The following R3HDM1 variants were observed in gnomAD, a reference collection of about 807,000 sequenced individuals.
R3HDM1 encodes R3H domain containing 1.
In R3HDM1, 46 loss-of-function variants were observed where a neutral mutation model predicts 141.1. The ratio of observed to expected loss-of-function variants is 0.33; its 90% CI spans 0.26 to 0.42. R3HDM1 has a LOEUF of 0.42. R3HDM1 is among the 10% of genes least tolerant of loss of function. The pLI is 1.00. For synonymous variants in R3HDM1, 435 were observed against 472.9 expected, an observed-to-expected ratio of 0.92 and a Z score of 1.04; for missense variants, 1,184 against 1,368.3, an observed-to-expected ratio of 0.87 and a Z score of 2.12.
intron 21 of R3HDM1, among the ~76,000 whole-genome samples, chr2:135,688,308 A>T: frequency 6.6e-6 from 1 of 152,224 alleles, no homozygotes; most frequent in East Asian, 1.9e-4. Flanking sequence ...CGAATCAACA[A>T]TACAGTACAT....
At chr2:135,697,530 G>A (rs1306371885) in intron 21 of R3HDM1, among the ~76,000 whole-genome samples, 1 of 152,176 alleles carries the variant, frequency 6.6e-6, no homozygotes, top group Non-Finnish European at 1.5e-5. Flanking sequence ...GAATGTGTAA[G>A]TATATTTTGA....
At chr2:135,623,152 A>G (rs2061665391) in intron 7 of R3HDM1, 1 of 633,126 alleles carries the variant, frequency 1.6e-6, no homozygotes, top group African/African-American at 2.0e-5. Flanking sequence ...TCATCAACCC[A>G]AAGATTTTTG....
intron 1 of R3HDM1, among the ~76,000 whole-genome samples, chr2:135,592,008 T>C (rs916713346): frequency 2.6e-5 from 4 of 152,234 alleles, no homozygotes; most frequent in African/African-American, 9.6e-5. Flanking sequence ...TATTGGGATC[T>C]CATTACATTG....
chr2:135,642,007 A>G (rs1574618815), intron 15 of R3HDM1, among the ~76,000 whole-genome samples: 1 of 152,334 alleles, frequency 6.6e-6, no homozygotes, highest in East Asian at 1.9e-4. Context: ...GATATCATCT[A>G]TGCCAAATAC....
chr2:135,594,311 C>A (rs1710056236), intron 1 of R3HDM1, among the ~76,000 whole-genome samples: 1 of 152,142 alleles, frequency 6.6e-6, no homozygotes, highest in Non-Finnish European at 1.5e-5. Flanking sequence ...TCTTAAGCTA[C>A]TATACCATAC....
chr2:135,643,266 CTTG>C (rs2105253691), intron 15 of R3HDM1, among the ~76,000 whole-genome samples: 1 of 152,224 alleles, frequency 6.6e-6, no homozygotes, highest in Admixed American at 6.5e-5. Context: ...CCCAGGACAA[CTTG>C]TTTTTAGTTA....
At chr2:135,580,713 A>C (rs1574039628) in intron 1 of R3HDM1, among the ~76,000 whole-genome samples, 3 of 152,166 alleles carry the variant, frequency 2.0e-5, no homozygotes, top group African/African-American at 7.2e-5. Context: ...CTTCAGCTTT[A>C]TTGTTTTAAA....
intron 1 of R3HDM1, among the ~76,000 whole-genome samples, chr2:135,537,522 G>C (rs1199276676): frequency 6.6e-6 from 1 of 151,668 alleles, no homozygotes; most frequent in African/African-American, 2.4e-5. Context: ...CCAACCTCAA[G>C]TGATCTGCCC....
chr2:135,581,064 A>G (rs1253242054), intron 1 of R3HDM1: 1 of 502,482 alleles, frequency 2.0e-6, no homozygotes, highest in Non-Finnish European at 2.6e-6. Flanking sequence ...TATAATGCTT[A>G]TATCTTATAC....
intron 21 of R3HDM1, among the ~76,000 whole-genome samples, chr2:135,696,534 T>C (rs1004573964): frequency 7.9e-5 from 12 of 152,228 alleles, no homozygotes; most frequent in African/African-American, 2.7e-4. Flanking sequence ...TGCTGTCATT[T>C]AGGCTGGAAT....
chr2:135,680,089 A>G lies in R3HDM1; in HGVS notation c.2308-84A>G, dbSNP rs2069981521. Reference sequence around the variant, plus strand: ...AGCAAGAATTCATCTCGAAAAAAATAAAGTTTATGGAGGTTGAAAACATAA... The same window carrying G: ...AGCAAGAATTCATCTCGAAAAAAATGAAGTTTATGGAGGTTGAAAACATAA... On this transcript the variant is annotated intron_variant, in intron 20 of 26. Transcript: ENST00000683871. The G allele has an allele frequency of 1.5e-5, 21 of 1,375,698 alleles. No homozygotes were observed. In the South Asian group the frequency reaches 2.3e-4, roughly 15 times the overall value. The allele number at this position is 1,375,698 out of a possible 1,614,324, so 85.2% of individuals were successfully genotyped here.
chr2:135,601,870 C>A (rs1042357889), intron 1 of R3HDM1, among the ~76,000 whole-genome samples: 1 of 151,810 alleles, frequency 6.6e-6, no homozygotes, highest in African/African-American at 2.4e-5. Flanking sequence ...CTGTGTTGCC[C>A]ATGCTAGTCT....
rs1201500075 is a variant in R3HDM1 at position 135,604,851 on chromosome 2, G to A, written c.6G>A (p.Arg2=). 6.2e-7 allele frequency: 1 copy of A among 1,612,096 alleles called. No homozygotes were observed. The highest frequency in any genetic ancestry group is 8.5e-7 in the Non-Finnish European group (1 of 1,178,952). The part of the protein sequence containing the change: M[R]MSDTVTVKDE... ...TTCGAAAATAACCTTTTCTAATGAG[G>A]ATGTCTGATACTGTTACTGTAAAAG... The change falls in exon 3 of 27, where the codon AGG becomes AGA. Residue 2 remains arginine, a synonymous_variant. Transcript: ENST00000683871.
At chr2:135,625,707 A>G (rs983266629) in intron 7 of R3HDM1, among the ~76,000 whole-genome samples, 1 of 152,044 alleles carries the variant, frequency 6.6e-6, no homozygotes, top group African/African-American at 2.4e-5. Flanking sequence ...CTCCTGGATG[A>G]GGAGATTGGT....
At chr2:135,578,291 A>G (rs770790035) in intron 1 of R3HDM1, among the ~76,000 whole-genome samples, 1 of 152,214 alleles carries the variant, frequency 6.6e-6, no homozygotes, top group Non-Finnish European at 1.5e-5. Flanking sequence ...AAGCAGGGAA[A>G]TACAGGCACA....
At chr2:135,720,281 C>T (rs2076579272) in intron 24 of R3HDM1, among the ~76,000 whole-genome samples, 1 of 152,144 alleles carries the variant, frequency 6.6e-6, no homozygotes, top group Non-Finnish European at 1.5e-5. Context: ...GGGAGCTGCC[C>T]AGGCATCTTC....
At chr2:135,616,214 T>C (rs1293586984) in intron 4 of R3HDM1, 21 bp downstream of exon 4, 5 of 1,603,810 alleles carry the variant, frequency 3.1e-6, no homozygotes, top group Non-Finnish European at 3.4e-6. Context: ...TATTTTGGTG[T>C]GCTGGCATGC....
At chr2:135,541,552 G>A (rs182406084) in intron 1 of R3HDM1, among the ~76,000 whole-genome samples, 54 of 152,138 alleles carry the variant, frequency 3.5e-4, no homozygotes, top group African/African-American at 1.2e-3. Context: ...GAATAGGGAG[G>A]ACCAAAGAGA....
At chr2:135,540,262 G>T (rs950946486) in intron 1 of R3HDM1, among the ~76,000 whole-genome samples, 2 of 152,118 alleles carry the variant, frequency 1.3e-5, no homozygotes, top group African/African-American at 4.8e-5. Flanking sequence ...CACCACATCT[G>T]TAGTTACTTT....
Sources: allele counts gnomAD v4.1 joint callset (sites outside exome capture counted in the v4.1 genomes callset), GRCh38; gene constraint gnomAD v4.1.1; transcripts MANE v1.5; gene names NCBI Gene and HGNC (gene_info 2026-07-23, HGNC 2026-07-21).